DIAPH2: variants seen among roughly 807,000 people sequenced by gnomAD.
DIAPH2 encodes protein diaphanous homolog 2.
Under a neutral mutation model 92.7 loss-of-function variants are expected in DIAPH2, and 35 were observed. The observed-to-expected ratio is 0.38, with a 90% CI of 0.29 to 0.50. The LOEUF (loss-of-function observed/expected upper bound fraction) is 0.50. DIAPH2 is among the 20% of genes least tolerant of loss of function. The pLI, the probability that DIAPH2 is intolerant of heterozygous loss-of-function variation, is 0.94. For synonymous variants in DIAPH2, 301 were observed against 280.4 expected (o/e 1.07, Z -0.73); for missense variants, 701 against 819.5 (o/e 0.86, Z 1.77).
Position 97,253,293 on chromosome X carries a change from A to AAAAATAAAAT in DIAPH2, c.2844+5469_2844+5478dup, listed in dbSNP as rs60254229. ...GCAAAAAGAGTAGGACTCCGTAAAAAAAAATAAAATAAAATAAAATAAAAA... is the reference window on the plus strand; with the variant it reads ...GCAAAAAGAGTAGGACTCCGTAAAAAAAAATAAAATAAAATAAAATAAAATAAAATAAAAA... On this transcript the variant is annotated intron_variant, in intron 23 of 26. Transcript: ENST00000324765. Among the ~76,000 whole-genome samples, 166 of 91,739 alleles carry AAAAATAAAAT rather than the reference A, an allele frequency of 1.8e-3. 2 individuals carry two copies. Among genetic ancestry groups the AAAAATAAAAT allele is most frequent in the East Asian group, 6.9e-3 (20 of 2,917 alleles). 79.7% of individuals were successfully genotyped at this position (91,739 alleles called of 115,157 possible).
At chrX:96,714,265 GTT>G (rs756277085) in intron 1 of DIAPH2, among the ~76,000 whole-genome samples, 3 of 87,744 alleles carry the variant, frequency 3.4e-5, no homozygotes, top group Non-Finnish European at 4.6e-5. Flanking sequence ...TTGTGTGTGT[GTT>G]TTTTTTTTTT....
intron 4 of DIAPH2, among the ~76,000 whole-genome samples, chrX:96,758,580 A>G (rs1314878036): frequency 1.8e-5 from 2 of 112,059 alleles, no homozygotes; most frequent in Non-Finnish European, 3.8e-5. Flanking sequence ...GTGGTTTGTT[A>G]GATGAAAATT....
At chrX:97,486,766 A>T (rs1159157431) in intron 26 of DIAPH2, among the ~76,000 whole-genome samples, 1 of 111,541 alleles carries the variant, frequency 9.0e-6, no homozygotes, top group Non-Finnish European at 1.9e-5. Flanking sequence ...TTTTGGTTGT[A>T]GGAAGAAAAC....
intron 4 of DIAPH2, among the ~76,000 whole-genome samples, chrX:96,819,418 A>G (rs1483750303): frequency 1.8e-5 from 2 of 112,162 alleles, no homozygotes; most frequent in African/African-American, 6.5e-5. Context: ...TTTGCAAAAT[A>G]CTTCAAATTC....
At chrX:97,028,198 A>G (rs986002630) in intron 17 of DIAPH2, among the ~76,000 whole-genome samples, 31 of 110,961 alleles carry the variant, frequency 2.8e-4, no homozygotes, top group African/African-American at 9.5e-4. Flanking sequence ...TTCGTGGCCA[A>G]TCATCTTCAA....
chrX:97,311,887 G>A (rs2147641112), intron 23 of DIAPH2, among the ~76,000 whole-genome samples: 1 of 110,253 alleles, frequency 9.1e-6, no homozygotes, highest in African/African-American at 3.3e-5. Flanking sequence ...GAGTGCAGTG[G>A]AACAATCTCG....
rs1230625817 is a variant in DIAPH2 at position 96,962,288 on chromosome X, T to TATATATATATACATATATATATAC, written c.1936-2791_1936-2768dup. The stretch of plus-strand genomic sequence containing the variant: ...ATATATATATACATATATATATACA[T>TATATATATATACATATATATATAC]ATATATATATACATATATATATACA... On this transcript the variant is annotated intron_variant, in intron 16 of 26. Transcript: ENST00000324765. Among the ~76,000 whole-genome samples, 7 of 63,501 alleles carry TATATATATATACATATATATATAC rather than the reference T, an allele frequency of 1.1e-4. 1 individual carries two copies. Among genetic ancestry groups the TATATATATATACATATATATATAC allele is most frequent in the Admixed American group, 1.8e-4 (1 of 5,468 alleles). 55.1% of individuals were successfully genotyped at this position (63,501 alleles called of 115,157 possible). A position where few individuals can be genotyped will look rare whatever the true frequency, so the allele number is the denominator to read the frequency against.
intron 17 of DIAPH2, among the ~76,000 whole-genome samples, chrX:97,000,438 G>T (rs1332251582): frequency 9.0e-6 from 1 of 111,649 alleles, no homozygotes; most frequent in Non-Finnish European, 1.9e-5. Flanking sequence ...CATCTCTCTT[G>T]ATTCTTAATT....
chrX:97,189,677 C>G (rs985365167), intron 22 of DIAPH2, among the ~76,000 whole-genome samples: 4 of 111,434 alleles, frequency 3.6e-5, no homozygotes, highest in Non-Finnish European at 7.5e-5. Flanking sequence ...AAATAAGAAG[C>G]AATTTTTAAA....
intron 17 of DIAPH2, among the ~76,000 whole-genome samples, chrX:97,067,390 G>A (rs1291279619): frequency 8.9e-6 from 1 of 111,762 alleles, no homozygotes; most frequent in African/African-American, 3.2e-5. Context: ...TTATTTTTAT[G>A]TCAAAAAATA....
chrX:97,050,319 T>C (rs892695445), intron 17 of DIAPH2, among the ~76,000 whole-genome samples: 10 of 110,703 alleles, frequency 9.0e-5, no homozygotes, highest in African/African-American at 3.3e-4. Flanking sequence ...TTTTTTTAAA[T>C]AAGTGCTGTT....
chrX:96,703,707 A>C (rs772640412), intron 1 of DIAPH2, among the ~76,000 whole-genome samples: 1 of 111,973 alleles, frequency 8.9e-6, no homozygotes, highest in African/African-American at 3.2e-5. Flanking sequence ...ATACAAAACT[A>C]GGTAAAGTTA....
At chrX:97,179,235 CT>C (rs370073041) in intron 22 of DIAPH2, among the ~76,000 whole-genome samples, 2,425 of 88,032 alleles carry the variant, frequency 0.028, 78 homozygotes, top group African/African-American at 0.086. Context: ...CTGAGTGTGC[CT>C]TTTTTTTTTT....
intron 23 of DIAPH2, among the ~76,000 whole-genome samples, chrX:97,275,169 C>T (rs1299352159): frequency 4.5e-5 from 5 of 111,969 alleles, no homozygotes; most frequent in African/African-American, 9.7e-5. Context: ...ACCTCCCAGA[C>T]GGGGTGGCGG....
intron 26 of DIAPH2, among the ~76,000 whole-genome samples, chrX:97,515,376 C>T (rs913018942): frequency 1.8e-5 from 2 of 112,519 alleles, no homozygotes; most frequent in Non-Finnish European, 3.8e-5. Flanking sequence ...GGCTTGCGCA[C>T]GGTGCGCGCA....
intron 17 of DIAPH2, among the ~76,000 whole-genome samples, chrX:97,024,229 G>A (rs527691269): frequency 8.9e-6 from 1 of 111,917 alleles, no homozygotes; most frequent in African/African-American, 3.2e-5. Flanking sequence ...AAAATATTTC[G>A]ATTTTATGTG....
chrX:97,212,528 A>T (rs12156682), intron 22 of DIAPH2, among the ~76,000 whole-genome samples: 2,445 of 106,377 alleles, frequency 0.023, 27 homozygotes, highest in Middle Eastern at 0.039. Context: ...CCAAGATCCT[A>T]TTCTTACCTT....
intron 25 of DIAPH2, among the ~76,000 whole-genome samples, chrX:97,393,334 C>T (rs1160866005): frequency 8.9e-6 from 1 of 111,884 alleles, no homozygotes; most frequent in Non-Finnish European, 1.9e-5. Context: ...AAAAGAACAG[C>T]ACAGTTTTAC....
At chrX:96,954,618 A>T (rs1472564330) in intron 15 of DIAPH2, among the ~76,000 whole-genome samples, 1 of 112,172 alleles carries the variant, frequency 8.9e-6, no homozygotes, top group East Asian at 2.8e-4. Flanking sequence ...ACCACATTGA[A>T]ATTCTAATCA....
Sources: gnomAD v4.1 joint callset for allele counts (sites outside exome capture counted in the v4.1 genomes callset) on GRCh38, gnomAD v4.1.1 for gene constraint, MANE v1.5 for transcripts, NCBI Gene and HGNC (gene_info 2026-07-23, HGNC 2026-07-21) for gene names.